ANK3: variants seen among roughly 807,000 people sequenced by gnomAD.
ANK3 encodes ankyrin 3.
Under a neutral mutation model 370.9 loss-of-function variants are expected in ANK3, and 57 were observed. The observed-to-expected ratio is 0.15, with a 90% CI of 0.12 to 0.19. The LOEUF (loss-of-function observed/expected upper bound fraction) is 0.19. ANK3 is among the 10% of genes least tolerant of loss of function. ANK3 has a pLI of 1.00. For synonymous variants in ANK3, 1,929 were observed against 1,946.3 expected (o/e 0.99, Z 0.23); for missense variants, 4,439 against 5,302.1 (o/e 0.84, Z 5.06).
rs1211840130 is a variant in ANK3, at chr10:60,076,210, A to G, written c.4671T>C (p.Thr1557=). The G allele has an allele frequency of 6.2e-7, 1 of 1,614,196 alleles. No individual in the cohort carries two copies. The highest frequency in any genetic ancestry group is 8.5e-7 in the Non-Finnish European group (1 of 1,179,984). The change falls in exon 37 of 44, where the codon ACT becomes ACC. Residue 1557 remains threonine (T), a synonymous_variant. Coordinates refer to ENST00000280772, the MANE Select transcript of ANK3 (RefSeq NM_020987.5). ...SPIKSTLGAS[T]TSSVKSISDV... Reference sequence around the variant, plus strand: ...CACTAATGGATTTAACTGAAGATGTAGTTGACGCGCCTAATGTGGATTTGA... The same window carrying G: ...CACTAATGGATTTAACTGAAGATGTGGTTGACGCGCCTAATGTGGATTTGA...
chr10:60,724,412 A>G (rs1479900549), intron 1 of ANK3, among the ~76,000 whole-genome samples: 1 of 151,886 alleles, frequency 6.6e-6, no homozygotes, highest in Non-Finnish European at 1.5e-5. Context: ...ATAGAATGTG[A>G]TATATTTGCC....
At chr10:60,615,505 G>T (rs964603495) in intron 1 of ANK3, among the ~76,000 whole-genome samples, 4 of 152,100 alleles carry the variant, frequency 2.6e-5, no homozygotes, top group Admixed American at 1.3e-4. Context: ...ATGAAATTGT[G>T]CCAGATACAT....
At position 60,345,855 on chromosome 10, in the gene ANK3, T is replaced by C. The variant is rs149357384; in HGVS notation, c.114+43570A>G. Among the ~76,000 whole-genome samples the C allele has an allele frequency of 7.9e-5, 12 of 152,260 alleles. No individual in the cohort carries two copies. The East Asian group carries it at 2.1e-3, about 27-fold the overall frequency. On this transcript the variant is annotated intron_variant, in intron 1 of 43. Transcript: ENST00000280772. ...TAAGAGGAAGCTGTTTGGACAAATG[T>C]GGTCCCTTATTAACTAGCAATTGAT...
At chr10:60,730,205 T>A (rs1339359727) in intron 1 of ANK3, among the ~76,000 whole-genome samples, 1 of 152,122 alleles carries the variant, frequency 6.6e-6, no homozygotes, top group East Asian at 1.9e-4. Context: ...TCACCCAGGC[T>A]GGAGTGCAGT....
chr10:60,084,555 T>A, intron 32 of ANK3, 47 bp downstream of exon 32: 1 of 1,471,098 alleles, frequency 6.8e-7, no homozygotes, highest in Non-Finnish European at 9.5e-7. Context: ...TAAAACCTCA[T>A]ATCTGGAGTA....
At chr10:60,255,752 A>T (rs779796632) in intron 7 of ANK3, among the ~76,000 whole-genome samples, 27 of 152,230 alleles carry the variant, frequency 1.8e-4, no homozygotes, top group Non-Finnish European at 3.1e-4. Flanking sequence ...ATTTAATAAG[A>T]CAGTAGCCAC....
chr10:60,460,371 T>A (rs1323977259), intron 2 of ANK3, among the ~76,000 whole-genome samples: 4 of 152,132 alleles, frequency 2.6e-5, no homozygotes, highest in African/African-American at 9.7e-5. Context: ...CAAGTTTGCA[T>A]GGAAGTTACA....
intron 1 of ANK3, among the ~76,000 whole-genome samples, chr10:60,321,989 C>G (rs1481690180): frequency 6.6e-6 from 1 of 152,038 alleles, no homozygotes; most frequent in Non-Finnish European, 1.5e-5. Context: ...AGTTTTTGGA[C>G]CTCCCTACTT....
intron 2 of ANK3, among the ~76,000 whole-genome samples, chr10:60,454,615 C>T (rs1426687262): frequency 1.3e-5 from 2 of 152,122 alleles, no homozygotes; most frequent in African/African-American, 4.8e-5. Flanking sequence ...AATAGGCCAC[C>T]CTTTGGCTCT....
At chr10:60,046,105 C>A (rs945190066) in intron 42 of ANK3, among the ~76,000 whole-genome samples, 1 of 151,976 alleles carries the variant, frequency 6.6e-6, no homozygotes, top group Non-Finnish European at 1.5e-5. Context: ...TTTGAATCAG[C>A]GCAGTGAAGA....
At chr10:60,037,991 C>G (rs1473866223) in intron 43 of ANK3, among the ~76,000 whole-genome samples, 3 of 152,234 alleles carry the variant, frequency 2.0e-5, no homozygotes, top group Non-Finnish European at 4.4e-5. Context: ...GCCATTCTGA[C>G]TGGTGTGACA....
chr10:60,129,100 A>G (rs1460053536), intron 25 of ANK3, among the ~76,000 whole-genome samples: 1 of 152,274 alleles, frequency 6.6e-6, no homozygotes, highest in Non-Finnish European at 1.5e-5. Context: ...TGTTGCTCTC[A>G]GACAATCTGA....
At chr10:60,053,709 C>T in intron 42 of ANK3, 5 of 1,303,902 alleles carry the variant, frequency 3.8e-6, no homozygotes, top group Non-Finnish European at 5.1e-6. Flanking sequence ...CGTGTAGGAG[C>T]CGCACCCGGA....
rs923395595 is a variant in ANK3, at chr10:60,427,802, G to T, written c.97-148163C>A. ...AGAGAGTCAAAGCAATTTTCCCAAG[G>T]TCACCAGGTTAGTTGGTGGCTTTGA... On this transcript the variant is annotated intron_variant, in intron 2 of 43. Transcript: ENST00000373827. Among the ~76,000 whole-genome samples the T allele has an allele frequency of 3.3e-5, 5 of 152,248 alleles. No individual in the cohort carries two copies. The South Asian group carries it at 8.3e-4, about 25-fold the overall frequency.
chr10:60,386,986 C>T (rs1196049362), intron 1 of ANK3, among the ~76,000 whole-genome samples: 1 of 152,010 alleles, frequency 6.6e-6, no homozygotes, highest in Non-Finnish European at 1.5e-5. Context: ...ACGGCGAAAC[C>T]CCATCTCTAC....
intron 4 of ANK3, among the ~76,000 whole-genome samples, chr10:60,272,433 G>C (rs184907675): frequency 1.3e-5 from 2 of 151,730 alleles, no homozygotes; most frequent in Non-Finnish European, 2.9e-5. Flanking sequence ...CAGAGGGCAG[G>C]TTCAGATTTT....
chr10:60,215,853 A>T (rs2096928431), intron 8 of ANK3, among the ~76,000 whole-genome samples: 1 of 152,144 alleles, frequency 6.6e-6, no homozygotes, highest in African/African-American at 2.4e-5. Context: ...TCCATATGAC[A>T]TTTAAAATAC....
chr10:60,396,800 A>G (rs969242947), intron 2 of ANK3, among the ~76,000 whole-genome samples: 3 of 152,232 alleles, frequency 2.0e-5, no homozygotes, highest in Non-Finnish European at 4.4e-5. Context: ...GTCGCTAAGT[A>G]GCTATGAGAC....
rs117118221 is a variant in ANK3, at chr10:60,439,733, C to T, written c.97-160094G>A. ...ATTCTGACTACAACTTGCTATGTGG[C>T]TTTGGGTAAGACATTTCACCTCTCT... On this transcript the variant is annotated intron_variant, in intron 2 of 43. Transcript: ENST00000373827. Among the ~76,000 whole-genome samples, 130 of 152,250 alleles carry T rather than the reference C, an allele frequency of 8.5e-4. 2 individuals carry two copies. In the East Asian group the frequency reaches 0.023, roughly 27 times the overall value.
Sources: allele counts gnomAD v4.1 joint callset (sites outside exome capture counted in the v4.1 genomes callset), GRCh38; gene constraint gnomAD v4.1.1; transcripts MANE v1.5; gene names NCBI Gene and HGNC (gene_info 2026-07-23, HGNC 2026-07-21).